Variants in SATB1 observed in about 807,000 individuals in gnomAD.
The protein encoded by SATB1 is SATB homeobox 1, also known as DNA-binding protein SATB1.
A neutral mutation model predicts 86.9 loss-of-function variants in SATB1; 11 were observed. The ratio of observed to expected loss-of-function variants is 0.13; its 90% CI spans 0.08 to 0.21. The LOEUF is 0.21. Ranked by LOEUF, SATB1 falls within the 10% of genes least tolerant of loss-of-function variation. The pLI is 1.00. For missense variants in SATB1, 551 were observed against 937.6 expected (o/e 0.59, Z 5.39); for synonymous variants, 357 against 357.2 (o/e 1.00, Z 0.01).
chr3:18,404,432 C>T (rs1697418767), intron 5 of SATB1, among the ~76,000 whole-genome samples: 1 of 151,990 alleles, frequency 6.6e-6, no homozygotes, highest in African/African-American at 2.4e-5. Context: ...TTGATCAATC[C>T]TAGTGCCTGA....
chr3:18,440,376 T>C (rs1699207888), upstream of SATB1, among the ~76,000 whole-genome samples: 1 of 152,138 alleles, frequency 6.6e-6, no homozygotes, highest in Admixed American at 6.5e-5. Flanking sequence ...TAAGAAAAAC[T>C]CCTCTCGACC....
At chr3:18,442,698 A>C (rs1416728836), upstream of SATB1, among the ~76,000 whole-genome samples, 3 of 152,240 alleles carry the variant, frequency 2.0e-5, no homozygotes, top group Non-Finnish European at 4.4e-5. Flanking sequence ...TGCTAACTAA[A>C]GTTGAAATTA....
At chr3:18,375,546 A>G (rs1396035726) in intron 9 of SATB1, among the ~76,000 whole-genome samples, 2 of 152,110 alleles carry the variant, frequency 1.3e-5, no homozygotes, top group Non-Finnish European at 2.9e-5. Context: ...AGGCCTAAAT[A>G]TCTATTTTAG....
chr3:18,436,908 T>C (rs187315231), intron 1 of SATB1: 2 of 152,300 alleles, frequency 1.3e-5, no homozygotes, highest in East Asian at 3.9e-4. Flanking sequence ...CTCAAATAGT[T>C]AACCAATTTG....
intron 1 of SATB1, among the ~76,000 whole-genome samples, chr3:18,437,961 TGATTTC>T (rs1699120498): frequency 6.6e-6 from 1 of 152,194 alleles, no homozygotes; most frequent in South Asian, 2.1e-4. Context: ...TAATCCCCAA[TGATTTC>T]CATTGTCTGT....
intron 7 of SATB1, among the ~76,000 whole-genome samples, chr3:18,390,985 T>A (rs938146162): frequency 6.6e-6 from 1 of 152,140 alleles, no homozygotes; most frequent in African/African-American, 2.4e-5. Context: ...CATAACTGAA[T>A]GAATGACATA....
intron 9 of SATB1, among the ~76,000 whole-genome samples, chr3:18,371,179 C>G (rs140141476): frequency 1.3e-5 from 2 of 152,124 alleles, no homozygotes; most frequent in African/African-American, 4.8e-5. Context: ...AAAAAATACA[C>G]AAAGGCAACT....
At chr3:18,351,854 C>G in intron 10 of SATB1, 138 bp downstream of exon 10, 1 of 746,730 alleles carries the variant, frequency 1.3e-6, no homozygotes, top group East Asian at 2.5e-5. Context: ...TCCCCCTGAG[C>G]AAGATGGCAG....
At chr3:18,396,153 A>C (rs1696954310) in intron 6 of SATB1, among the ~76,000 whole-genome samples, 1 of 152,206 alleles carries the variant, frequency 6.6e-6, no homozygotes, top group African/African-American at 2.4e-5. Context: ...CAATTATTCC[A>C]AAAATGATGC....
At chr3:18,397,683 T>G (rs916296846) in intron 5 of SATB1, among the ~76,000 whole-genome samples, 1 of 152,186 alleles carries the variant, frequency 6.6e-6, no homozygotes, top group Non-Finnish European at 1.5e-5. Context: ...ACTCTACATC[T>G]TTTCTACTCA....
intron 5 of SATB1, chr3:18,411,012 C>T: frequency 2.5e-6 from 1 of 394,872 alleles, no homozygotes; most frequent in Non-Finnish European, 4.5e-6. Context: ...TTTATTTTTC[C>T]ATTAATAAAT....
At chr3:18,442,708 A>G (rs1314517445), upstream of SATB1, among the ~76,000 whole-genome samples, 2 of 152,224 alleles carry the variant, frequency 1.3e-5, no homozygotes, top group East Asian at 3.8e-4. Flanking sequence ...AGTTGAAATT[A>G]TGCACTTATT....
At chr3:18,419,511 C>T (rs919127008) in intron 2 of SATB1, among the ~76,000 whole-genome samples, 1 of 152,126 alleles carries the variant, frequency 6.6e-6, no homozygotes, top group African/African-American at 2.4e-5. Context: ...GTTTGCTGTG[C>T]AAATATCACA....
chr3:18,350,535 A>G (rs1453180652), intron 10 of SATB1: 4 of 152,326 alleles, frequency 2.6e-5, no homozygotes, highest in African/African-American at 7.2e-5. Flanking sequence ...AGCAAAGTAA[A>G]TCAACCTAAG....
rs1433756700 is a variant in SATB1 at position 18,347,100 on chromosome 3, C to T, written c.*2070G>A. ...TTATTGAAAGTTTTCAATGATTCCA[C>T]TTCAGTTTCTAAAGTACAAGTTCAA... is the stretch of plus-strand genomic sequence containing the variant. On this transcript the variant is annotated 3_prime_UTR_variant, in exon 11 of 11. Transcript: ENST00000338745. 1 of 108,218 alleles carries T rather than the reference C, an allele frequency of 9.2e-6. No homozygotes were observed. Among genetic ancestry groups the T allele is most frequent in the East Asian group, 4.3e-4 (1 of 2,310 alleles). 6.7% of individuals were successfully genotyped at this position (108,218 alleles called of 1,614,324 possible). A position where few individuals can be genotyped will look rare whatever the true frequency, so the allele number is the denominator to read the frequency against.
In SATB1 at chr3:18,424,879, T is replaced by C. The variant is rs367882902; in HGVS notation, c.-1277A>G. 27 of 153,810 alleles carry C rather than the reference T, an allele frequency of 1.8e-4. No homozygotes were observed. The highest frequency in any genetic ancestry group is 8.2e-4 in the South Asian group (4 of 4,852). The allele number at this position is 153,810 out of a possible 1,614,324, so 9.5% of individuals were successfully genotyped here. A position where few individuals can be genotyped will look rare whatever the true frequency, so the allele number is the denominator to read the frequency against. On this transcript the variant is annotated 5_prime_UTR_variant, in exon 1 of 11. Transcript: ENST00000338745. ...GCAGGATAGAGGGCGGCCGCGGCTG[T>C]TGTTGTTGTGACGAGGCCGGGTGTT... is the stretch of plus-strand genomic sequence containing the variant.
chr3:18,438,426 G>A (rs1371337411), intron 1 of SATB1: 2 of 152,106 alleles, frequency 1.3e-5, no homozygotes, highest in African/African-American at 4.8e-5. Context: ...CTTAGTATCT[G>A]GTCCCAAATT....
chr3:18,405,201 C>T (rs991136380), intron 5 of SATB1, among the ~76,000 whole-genome samples: 14 of 151,808 alleles, frequency 9.2e-5, no homozygotes, highest in African/African-American at 3.4e-4. Flanking sequence ...AATATGAATC[C>T]AAGGAATTTT....
upstream of SATB1, among the ~76,000 whole-genome samples, chr3:18,439,974 A>T (rs1699194073): frequency 6.6e-6 from 1 of 152,202 alleles, no homozygotes. Context: ...TTTCAGAGAA[A>T]AGCTTAGCGA....
Sources: gnomAD v4.1 joint callset for allele counts (sites outside exome capture counted in the v4.1 genomes callset) on GRCh38, gnomAD v4.1.1 for gene constraint, MANE v1.5 for transcripts, NCBI Gene and HGNC (gene_info 2026-07-23, HGNC 2026-07-21) for gene names.